The following TXNRD3 variants were observed in gnomAD, a reference collection of about 807,000 sequenced individuals.
The protein encoded by TXNRD3 is thioredoxin reductase 3.
A neutral mutation model predicts 78.2 loss-of-function variants in TXNRD3; 68 were observed. The observed-to-expected ratio is 0.87, with a 90% CI of 0.72 to 1.06. The LOEUF is 1.06. TXNRD3 is among the 50% of genes least tolerant of loss of function. The pLI, the probability that TXNRD3 is intolerant of heterozygous loss-of-function variation, is 0.00. For missense variants in TXNRD3, 751 were observed against 809.5 expected (o/e 0.93, Z 0.88); for synonymous variants, 296 against 300.1 (o/e 0.99, Z 0.14).
intron 14 of TXNRD3, among the ~76,000 whole-genome samples, chr3:126,610,484 A>G (rs1245814755): frequency 6.6e-6 from 1 of 152,234 alleles, no homozygotes; most frequent in African/African-American, 2.4e-5. Context: ...GAAAGCCTCC[A>G]ATAATGGGCT....
At chr3:126,645,922 C>A (rs554776497) in intron 3 of TXNRD3, among the ~76,000 whole-genome samples, 189 bp downstream of exon 3, 132 of 152,306 alleles carry the variant, frequency 8.7e-4, no homozygotes, top group African/African-American at 3.0e-3. Context: ...ATCCTAGCTT[C>A]TGAAGTTCAG....
At position 126,654,832 on chromosome 3, in the gene TXNRD3, C is replaced by G; in HGVS notation, c.159G>C (p.Glu53Asp). 1.4e-6 allele frequency: 2 copies of G among 1,392,646 alleles called. No individual in the cohort carries two copies. The highest frequency in any genetic ancestry group is 1.9e-6 in the Non-Finnish European group (2 of 1,076,394). The allele number at this position is 1,392,646 out of a possible 1,614,324, so 86.3% of individuals were successfully genotyped here. Residue 53 changes from glutamate (E) to aspartate (D), a missense_variant, in exon 1 of 16, where the codon GAG (glutamate) becomes GAC (aspartate). By Grantham distance (45) the Glu-to-Asp change is conservative (BLOSUM62 2). Transcript: ENST00000524230. ...GGCCCACGAGGTGGCGGCGCAGCTCCTCGCGGGCCTCGGACGAGCGGCTGG... is the reference window on the plus strand; with the variant it reads ...GGCCCACGAGGTGGCGGCGCAGCTCGTCGCGGGCCTCGGACGAGCGGCTGG...
intron 12 of TXNRD3, among the ~76,000 whole-genome samples, chr3:126,619,330 G>A (rs947343931): frequency 2.0e-5 from 3 of 152,222 alleles, no homozygotes; most frequent in Non-Finnish European, 4.4e-5. Flanking sequence ...ATGCATGAAT[G>A]GATAAAGAAA....
chr3:126,612,229 G>A (rs1938215259), intron 13 of TXNRD3, among the ~76,000 whole-genome samples: 1 of 151,928 alleles, frequency 6.6e-6, no homozygotes, highest in Non-Finnish European at 1.5e-5. Flanking sequence ...GTAGAGATGG[G>A]GTGTCGCCAT....
At position 126,640,094 on chromosome 3, in the gene TXNRD3, CTTTTTTTTT is replaced by C. The variant is rs747114940; in HGVS notation, c.712+1929_712+1937del. Among the ~76,000 whole-genome samples, 6 of 14,308 alleles carry C rather than the reference CTTTTTTTTT, an allele frequency of 4.2e-4. 2 individuals carry two copies. Among genetic ancestry groups the C allele is most frequent in the Non-Finnish European group, 1.1e-3 (5 of 4,718 alleles). 9.4% of individuals were successfully genotyped at this position (14,308 alleles called of 152,430 possible). ...AATAAACCAAAGCTGCTTGTGTTTT[CTTTTTTTTT>C]TTTTTTTTTTTTTTTTTTTGAGACG... On this transcript the variant is annotated intron_variant, in intron 6 of 15. Transcript: ENST00000524230.
chr3:126,632,755 C>T (rs1938753153), intron 7 of TXNRD3, among the ~76,000 whole-genome samples: 1 of 151,232 alleles, frequency 6.6e-6, no homozygotes, highest in African/African-American at 2.4e-5. Context: ...GGTGTTTAAA[C>T]AAGTGGGTTG....
At position 126,642,052 on chromosome 3, in the gene TXNRD3, C is replaced by A. The variant is rs1469301223; in HGVS notation, c.692G>T (p.Gly231Val). Reference sequence around the variant, plus strand: ...CTCACCTTGTTGATTATATTCCCAGCCAAATTTCCTTGAGTCACATAATGC... The same window carrying A: ...CTCACCTTGTTGATTATATTCCCAGACAAATTTCCTTGAGTCACATAATGC... The change falls in exon 6 of 16, where the codon GGC becomes GTC. Residue 231 changes from glycine to valine, a missense_variant. Physicochemically the swap from Gly to Val is moderately radical, Grantham distance 109. Transcript: ENST00000524230. 1 of 1,535,322 alleles carries A rather than the reference C, an allele frequency of 6.5e-7. No individual in the cohort carries two copies. Among genetic ancestry groups the A allele is most frequent in the Non-Finnish European group, 8.7e-7 (1 of 1,146,614 alleles).
At chr3:126,639,927 C>T (rs1272311596) in intron 6 of TXNRD3, among the ~76,000 whole-genome samples, 1 of 151,878 alleles carries the variant, frequency 6.6e-6, no homozygotes, top group Non-Finnish European at 1.5e-5. Flanking sequence ...ATAAAACTAC[C>T]CCAAAATTAC....
intron 6 of TXNRD3, among the ~76,000 whole-genome samples, chr3:126,635,033 T>C (rs1938821256): frequency 6.6e-6 from 1 of 152,190 alleles, no homozygotes; most frequent in South Asian, 2.1e-4. Context: ...TCGTTCTTCT[T>C]ACTACATTAC....
chr3:126,619,140 T>C (rs1159176581), intron 12 of TXNRD3, among the ~76,000 whole-genome samples: 4 of 152,182 alleles, frequency 2.6e-5, no homozygotes, highest in Admixed American at 6.5e-5. Context: ...ACAGCCACTA[T>C]GGAACACAGT....
At chr3:126,642,177 CT>C (rs1933106950) in intron 5 of TXNRD3, 26 bp from the exon 6 acceptor site, 1 of 1,521,346 alleles carries the variant, frequency 6.6e-7, no homozygotes, top group Non-Finnish European at 8.8e-7. Context: ...AGTTTTAATG[CT>C]TCTTTGTGTG....
At chr3:126,627,297 A>G (rs1938600826) in intron 10 of TXNRD3, among the ~76,000 whole-genome samples, 1 of 152,230 alleles carries the variant, frequency 6.6e-6, no homozygotes, top group South Asian at 2.1e-4. Flanking sequence ...GAAGTCAGAT[A>G]CAAGGAATAC....
At chr3:126,643,000 G>A (rs1933131323) in intron 5 of TXNRD3, among the ~76,000 whole-genome samples, 1 of 152,214 alleles carries the variant, frequency 6.6e-6, no homozygotes, top group South Asian at 2.1e-4. Context: ...CTAAACTAGT[G>A]ACAGCAGTGT....
In TXNRD3 at chr3:126,611,777, C is replaced by A. The variant is rs140815986; in HGVS notation, c.1633-645G>T. 1.0e-3 allele frequency among the ~76,000 whole-genome samples: 159 copies of A among 152,210 alleles called. 1 individual carries two copies. Among genetic ancestry groups the A allele is most frequent in the African/African-American group, 3.6e-3 (148 of 41,528 alleles). On this transcript the variant is annotated intron_variant, in intron 13 of 15. Transcript: ENST00000524230. ...CTGAATCACTCCATACACAAACAGG[C>A]AGTTAATGCTGAGTGACAGAATTGG... is the stretch of plus-strand genomic sequence containing the variant.
chr3:126,646,109 AC>A lies in TXNRD3; in HGVS notation c.414+1del. On this transcript the variant is annotated splice_donor_variant, in intron 3 of 15. Transcript: ENST00000524230. LOFTEE classifies it high-confidence loss of function. ...TTGAAGAACATATAATAGTATTATT[AC>A]CTGGAAAGTTTGGTCACATCCACCT... The A allele has an allele frequency of 6.6e-7, 1 of 1,518,660 alleles. No homozygotes were observed. The highest frequency in any genetic ancestry group is 8.8e-7 in the Non-Finnish European group (1 of 1,139,536). 94.1% of individuals were successfully genotyped at this position (1,518,660 alleles called of 1,614,324 possible).
chr3:126,634,033 G>A lies in TXNRD3; in HGVS notation c.731C>T (p.Thr244Ile). The change falls in exon 7 of 16, where the codon ACA becomes ATA. Residue 244 changes from threonine (T) to isoleucine (I), a missense_variant. Transcript: ENST00000524230. ...GTGGTTCTGAATCGCTTTTGTCATTGTCTCCCAGTTGTGCCTCACTAAGAA... is the reference window on the plus strand; with the variant it reads ...GTGGTTCTGAATCGCTTTTGTCATTATCTCCCAGTTGTGCCTCACTAAGAA... The A allele has an allele frequency of 3.3e-6, 5 of 1,513,146 alleles. No individual in the cohort carries two copies. Among genetic ancestry groups the A allele is most frequent in the Non-Finnish European group, 4.4e-6 (5 of 1,135,622 alleles). 93.7% of individuals were successfully genotyped at this position (1,513,146 alleles called of 1,614,324 possible).
At chr3:126,621,338 C>T (rs1188639306) in intron 12 of TXNRD3, among the ~76,000 whole-genome samples, 1 of 152,198 alleles carries the variant, frequency 6.6e-6, no homozygotes, top group African/African-American at 2.4e-5. Context: ...AGCTCCTATG[C>T]TATTACAGTG....
chr3:126,633,555 GTTCTAGTTAAGGT>G (rs1180198022), intron 7 of TXNRD3, among the ~76,000 whole-genome samples: 1 of 152,104 alleles, frequency 6.6e-6, no homozygotes, highest in Non-Finnish European at 1.5e-5. Context: ...TAATATTGGA[GTTCTAGTTAAGGT>G]TTCATTTTTA....
At chr3:126,646,015 A>C in intron 3 of TXNRD3, 96 bp downstream of exon 3, 2 of 862,404 alleles carry the variant, frequency 2.3e-6, no homozygotes, top group East Asian at 5.7e-5. Flanking sequence ...AACTTCCAAA[A>C]GATGAGTGGA....
Sources: gnomAD v4.1 joint callset for allele counts (sites outside exome capture counted in the v4.1 genomes callset) on GRCh38, gnomAD v4.1.1 for gene constraint, MANE v1.5 for transcripts, NCBI Gene and HGNC (gene_info 2026-07-23, HGNC 2026-07-21) for gene names.